The following HSD17B12 variants were observed in gnomAD, a reference collection of about 807,000 sequenced individuals.
HSD17B12 encodes the protein very-long-chain 3-oxoacyl-CoA reductase.
HSD17B12 carries 32 observed loss-of-function variants against 39.3 expected under a neutral mutation model. That is an observed-to-expected ratio of 0.81 (90% CI 0.61 to 1.09). The LOEUF (loss-of-function observed/expected upper bound fraction) is 1.09. HSD17B12 is among the 50% of genes least tolerant of loss of function. The pLI, the probability that HSD17B12 is intolerant of heterozygous loss-of-function variation, is 0.00. For synonymous variants in HSD17B12, 150 were observed against 146.7 expected, an observed-to-expected ratio of 1.02 and a Z score of -0.16; for missense variants, 342 against 382.9, an observed-to-expected ratio of 0.89 and a Z score of 0.89.
intron 3 of HSD17B12, among the ~76,000 whole-genome samples, chr11:43,775,638 A>C (rs1182320773): frequency 6.6e-6 from 1 of 151,806 alleles, no homozygotes; most frequent in Non-Finnish European, 1.5e-5. Flanking sequence ...TTTAAGTTTT[A>C]GGGTACATGT....
In HSD17B12 at chr11:43,791,531, C is replaced by CAA. The variant is rs1255094996; in HGVS notation, c.284-6778_284-6777dup. On this transcript the variant is annotated intron_variant, in intron 3 of 10. Transcript: ENST00000278353. ...TGGGTGACAGAGTGAGACTCTGTCT[C>CAA]AAAAAAAAAAAAGAAGAAGAAGAAG... 1.1e-3 allele frequency among the ~76,000 whole-genome samples: 147 copies of CAA among 131,640 alleles called. 1 individual carries two copies. Among genetic ancestry groups the CAA allele is most frequent in the African/African-American group, 3.9e-3 (139 of 35,612 alleles). The allele number at this position is 131,640 out of a possible 152,430, so 86.4% of individuals were successfully genotyped here.
At chr11:43,676,668 A>G (rs776216793), upstream of HSD17B12, among the ~76,000 whole-genome samples, 10 of 152,218 alleles carry the variant, frequency 6.6e-5, no homozygotes, top group Non-Finnish European at 1.5e-4. Flanking sequence ...TATTTGTTGA[A>G]TGAATGAATC....
In HSD17B12 at chr11:43,748,419, G is replaced by A. The variant is rs116204569; in HGVS notation, c.161-2492G>A. 4.0e-3 allele frequency among the ~76,000 whole-genome samples: 616 copies of A among 152,192 alleles called. 7 individuals carry two copies. The highest frequency in any genetic ancestry group is 0.013 in the African/African-American group (555 of 41,512). ...AGTGGGAGCTAAACACTGAGCACAC[G>A]TGGAAATAAATATGCAAACAGTAGA... is the stretch of plus-strand genomic sequence containing the variant. On this transcript the variant is annotated intron_variant, in intron 1 of 10. Transcript: ENST00000278353.
At chr11:43,848,681 A>G (rs1951502416) in intron 9 of HSD17B12, among the ~76,000 whole-genome samples, 2 of 152,348 alleles carry the variant, frequency 1.3e-5, no homozygotes, top group African/African-American at 2.4e-5. Context: ...AGGCTCAGTC[A>G]TTGAGTGTTT....
intron 1 of HSD17B12, among the ~76,000 whole-genome samples, chr11:43,725,261 A>T (rs977159554): frequency 1.3e-5 from 2 of 152,192 alleles, no homozygotes; most frequent in Non-Finnish European, 2.9e-5. Context: ...CAGTTTCTTC[A>T]TCTCTAAAAT....
chr11:43,669,836 C>A, the HSD17B12 span, among the ~76,000 whole-genome samples: 1 of 152,114 alleles, frequency 6.6e-6, no homozygotes, highest in African/African-American at 2.4e-5. Flanking sequence ...ACCTTATTTC[C>A]AAATAAGGCC....
At chr11:43,566,982 A>G in the HSD17B12 span, among the ~76,000 whole-genome samples, 5 of 152,352 alleles carry the variant, frequency 3.3e-5, no homozygotes, top group African/African-American at 1.2e-4. Flanking sequence ...CAGTCATATT[A>G]GGTCTTTTGT....
chr11:43,607,308 G>A, the HSD17B12 span, among the ~76,000 whole-genome samples: 54 of 151,886 alleles, frequency 3.6e-4, no homozygotes. Context: ...GTGTGTGTGT[G>A]TGTGTGTGTA....
At chr11:43,636,233 C>T in the HSD17B12 span, among the ~76,000 whole-genome samples, 4 of 152,154 alleles carry the variant, frequency 2.6e-5, no homozygotes, top group African/African-American at 9.7e-5. Context: ...ATTAAACTTA[C>T]CATTTGACCC....
upstream of HSD17B12, among the ~76,000 whole-genome samples, chr11:43,679,225 G>A (rs1310372019): frequency 5.9e-5 from 9 of 152,098 alleles, no homozygotes. Context: ...GTCATGATTT[G>A]GCTCTCTGTT....
At chr11:43,651,404 G>A in the HSD17B12 span, among the ~76,000 whole-genome samples, 3 of 152,024 alleles carry the variant, frequency 2.0e-5, no homozygotes, top group Non-Finnish European at 4.4e-5. Flanking sequence ...TGCCTCACTT[G>A]GAACAAATTT....
the HSD17B12 span, among the ~76,000 whole-genome samples, chr11:43,670,661 C>T: frequency 5.9e-5 from 9 of 152,158 alleles, no homozygotes; most frequent in Non-Finnish European, 1.2e-4. Flanking sequence ...GAGGCCAAGA[C>T]AGGAGGATTG....
intron 7 of HSD17B12, among the ~76,000 whole-genome samples, chr11:43,835,083 T>C (rs1282136855): frequency 6.6e-6 from 1 of 152,208 alleles, no homozygotes; most frequent in African/African-American, 2.4e-5. Flanking sequence ...TGAGTCTTCA[T>C]TATAGAACTT....
In HSD17B12 at chr11:43,697,941, G is replaced by A. The variant is rs148457297; in HGVS notation, c.160+16954G>A. Among the ~76,000 whole-genome samples, 1,010 of 152,308 alleles carry A rather than the reference G, an allele frequency of 6.6e-3. 4 individuals are homozygous for A. Among genetic ancestry groups the A allele is most frequent in the Middle Eastern group, 0.014 (4 of 294 alleles). On this transcript the variant is annotated intron_variant, in intron 1 of 10. Transcript: ENST00000278353. ...TTAAGCAGTAGAGTGTCATGATCAA[G>A]TTTGTACTTAGGACAGTTTACTCTG... is the stretch of plus-strand genomic sequence containing the variant.
intron 9 of HSD17B12, 162 bp from the exon 10 acceptor site, chr11:43,854,553 G>A (rs1450953322): frequency 3.0e-6 from 2 of 667,844 alleles, no homozygotes; most frequent in Non-Finnish European, 2.6e-6. Flanking sequence ...GGTATCATGT[G>A]TTCTATCAAG....
the HSD17B12 span, among the ~76,000 whole-genome samples, chr11:43,603,229 C>T: frequency 1.4e-4 from 21 of 152,048 alleles, no homozygotes; most frequent in Admixed American, 5.9e-4. Flanking sequence ...TGCACTTTTG[C>T]TGTTAATCAG....
chr11:43,789,921 G>C (rs1950851407), intron 3 of HSD17B12, among the ~76,000 whole-genome samples: 2 of 152,066 alleles, frequency 1.3e-5, no homozygotes, highest in Admixed American at 1.3e-4. Flanking sequence ...GCCAGAGTGA[G>C]ACCCTGTCCC....
the HSD17B12 span, among the ~76,000 whole-genome samples, chr11:43,571,481 T>A: frequency 2.0e-5 from 3 of 152,182 alleles, no homozygotes; most frequent in Non-Finnish European, 1.5e-5. Context: ...CTCTCTAGGT[T>A]CTCATTCTCT....
chr11:43,777,776 G>A (rs887960008), intron 3 of HSD17B12, among the ~76,000 whole-genome samples: 8 of 151,974 alleles, frequency 5.3e-5, no homozygotes, highest in Non-Finnish European at 7.4e-5. Flanking sequence ...TTTGAAATAC[G>A]TCCCACAATG....
Sources: allele counts gnomAD v4.1 joint callset (sites outside exome capture counted in the v4.1 genomes callset), GRCh38; gene constraint gnomAD v4.1.1; transcripts MANE v1.5; gene names NCBI Gene and HGNC (gene_info 2026-07-23, HGNC 2026-07-21).